DAB1: variants seen among roughly 807,000 people sequenced by gnomAD.
DAB1 encodes the protein disabled homolog 1.
In DAB1, 15 loss-of-function variants were observed where a neutral mutation model predicts 64.6. That is an observed-to-expected ratio of 0.23 (90% CI 0.16 to 0.36). The LOEUF is 0.36. DAB1 is among the 10% of genes least tolerant of loss of function. DAB1 has a pLI of 1.00. For synonymous variants in DAB1, 235 were observed against 251.9 expected (o/e 0.93, Z 0.64); for missense variants, 596 against 706.7 (o/e 0.84, Z 1.78).
At chr1:57,280,692 G>A (rs1156877862) in intron 2 of DAB1, among the ~76,000 whole-genome samples, 1 of 152,070 alleles carries the variant, frequency 6.6e-6, no homozygotes. Flanking sequence ...CCTACATCAC[G>A]GTAAATTACA....
chr1:57,650,362 G>A (rs531925899), intron 6 of DAB1, among the ~76,000 whole-genome samples: 1 of 152,034 alleles, frequency 6.6e-6, no homozygotes, highest in East Asian at 1.9e-4. Context: ...CAGGCTGGCT[G>A]GGTTCCTTCT....
intron 5 of DAB1, among the ~76,000 whole-genome samples, chr1:57,964,921 T>C (rs1470280690): frequency 6.6e-6 from 1 of 152,036 alleles, no homozygotes; most frequent in Admixed American, 6.6e-5. Context: ...CATTATTTGC[T>C]GGGGGAATAT....
intron 4 of DAB1, among the ~76,000 whole-genome samples, chr1:58,320,750 C>A (rs1662663124): frequency 6.6e-6 from 1 of 152,164 alleles, no homozygotes; most frequent in Admixed American, 6.5e-5. Context: ...TGGACCTTTA[C>A]TCTTATGTCC....
intron 9 of DAB1, among the ~76,000 whole-genome samples, chr1:57,037,727 C>T (rs1647220758): frequency 6.6e-6 from 1 of 152,146 alleles, no homozygotes; most frequent in Non-Finnish European, 1.5e-5. Flanking sequence ...TCTTTATCAC[C>T]TTTACCCAAG....
intron 6 of DAB1, among the ~76,000 whole-genome samples, chr1:57,713,480 T>C (rs1326288029): frequency 6.6e-6 from 1 of 152,140 alleles, no homozygotes; most frequent in Non-Finnish European, 1.5e-5. Flanking sequence ...TTTCCAAAAT[T>C]AGAGGTACAG....
chr1:58,088,715 T>C (rs1393452149), intron 5 of DAB1, among the ~76,000 whole-genome samples: 1 of 152,180 alleles, frequency 6.6e-6, no homozygotes, highest in Non-Finnish European at 1.5e-5. Flanking sequence ...GTTTCCTGCA[T>C]ACCATCCAAG....
chr1:58,510,506 C>A (rs994705974), intron 2 of DAB1, among the ~76,000 whole-genome samples: 3 of 152,052 alleles, frequency 2.0e-5, no homozygotes, highest in South Asian at 2.1e-4. Flanking sequence ...GAAAAGCCCA[C>A]AACTAGCATC....
At chr1:57,296,538 A>C (rs1459276583) in intron 1 of DAB1, among the ~76,000 whole-genome samples, 1 of 152,090 alleles carries the variant, frequency 6.6e-6, no homozygotes, top group Non-Finnish European at 1.5e-5. Flanking sequence ...TCCAGAAATT[A>C]AGTGCTCAAA....
chr1:57,084,444 C>A (rs966101691), intron 4 of DAB1, among the ~76,000 whole-genome samples: 1 of 152,168 alleles, frequency 6.6e-6, no homozygotes, highest in Non-Finnish European at 1.5e-5. Context: ...CAAAACATTT[C>A]TGTTGTTTCA....
intron 5 of DAB1, among the ~76,000 whole-genome samples, chr1:57,902,370 T>G (rs893733250): frequency 7.2e-5 from 11 of 152,106 alleles, no homozygotes; most frequent in African/African-American, 2.7e-4. Flanking sequence ...CCCCAAATTA[T>G]TTTGCCTGTA....
chr1:58,060,528 G>A lies in DAB1; in HGVS notation n.387+89983C>T, dbSNP rs571217483. ...CGACTGGTGAAAGCCACCTCACAGG[G>A]TAGATAAGTGGAAGGGTAAATTGAG... On this transcript the variant is annotated intron_variant and non_coding_transcript_variant, in intron 5 of 20. Coordinates refer to the DAB1 transcript ENST00000485760. 2.6e-4 allele frequency among the ~76,000 whole-genome samples: 40 copies of A among 152,306 alleles called. No individual in the cohort carries two copies. The South Asian group carries it at 8.3e-3, about 32-fold the overall frequency.
intron 2 of DAB1, among the ~76,000 whole-genome samples, chr1:57,269,180 G>T (rs1480862410): frequency 6.6e-6 from 1 of 152,090 alleles, no homozygotes; most frequent in Non-Finnish European, 1.5e-5. Flanking sequence ...TCTCCCACCA[G>T]CACCTCCCAT....
At chr1:57,576,388 G>A (rs1645250203) in intron 7 of DAB1, among the ~76,000 whole-genome samples, 1 of 152,166 alleles carries the variant, frequency 6.6e-6, no homozygotes, top group Admixed American at 6.5e-5. Flanking sequence ...GTTGAGATGA[G>A]GTTATACTGG....
intron 1 of DAB1, among the ~76,000 whole-genome samples, chr1:57,390,219 G>T (rs1682229923): frequency 6.6e-6 from 1 of 151,320 alleles, no homozygotes; most frequent in African/African-American, 2.5e-5. Context: ...AGGATGAAAA[G>T]AATATGGAAT....
chr1:57,134,137 A>G (rs927358114), intron 4 of DAB1, among the ~76,000 whole-genome samples: 1 of 152,140 alleles, frequency 6.6e-6, no homozygotes, highest in Non-Finnish European at 1.5e-5. Flanking sequence ...ACTCCCTCAC[A>G]CAGAAGGCAG....
intron 9 of DAB1, chr1:57,033,619 C>T (rs774419704): frequency 6.5e-7 from 1 of 1,548,408 alleles, no homozygotes; most frequent in Non-Finnish European, 8.9e-7. Context: ...GAATGACACA[C>T]AAATGACATG....
At chr1:57,831,190 G>A (rs1652570522) in intron 1 of DAB1, among the ~76,000 whole-genome samples, 1 of 152,180 alleles carries the variant, frequency 6.6e-6, no homozygotes, top group Non-Finnish European at 1.5e-5. Context: ...TGGGATTACA[G>A]GTGTGAGCCA....
At chr1:58,312,625 A>G (rs2100475196) in intron 4 of DAB1, among the ~76,000 whole-genome samples, 1 of 152,328 alleles carries the variant, frequency 6.6e-6, no homozygotes, top group East Asian at 1.9e-4. Context: ...GTGAGAGTCA[A>G]TGCAAAGGGT....
rs1458260279 is a variant in DAB1 at position 57,553,458 on chromosome 1, A to AAGAAAGAG, written n.625+96133_625+96134insCTCTTTCT. On this transcript the variant is annotated intron_variant and non_coding_transcript_variant, in intron 7 of 20. Transcript: ENST00000485760. ...AGAAAGAAAGAGAAAGAAAGAAAGA[A>AAGAAAGAG]AGAGAAAGGGAAAGAAAGGAAGGAA... Among the ~76,000 whole-genome samples, 107 of 132,224 alleles carry AAGAAAGAG rather than the reference A, an allele frequency of 8.1e-4. 1 individual carries two copies. The highest frequency in any genetic ancestry group is 1.4e-3 in the African/African-American group (48 of 33,658). The allele number at this position is 132,224 out of a possible 152,430, so 86.7% of individuals were successfully genotyped here. A position where few individuals can be genotyped will look rare whatever the true frequency, so the allele number is the denominator to read the frequency against.
Sources: allele counts gnomAD v4.1 joint callset (sites outside exome capture counted in the v4.1 genomes callset), GRCh38; gene constraint gnomAD v4.1.1; transcripts MANE v1.5; gene names NCBI Gene and HGNC (gene_info 2026-07-23, HGNC 2026-07-21).